The following SLC35F4 variants were observed in gnomAD, a reference collection of about 807,000 sequenced individuals.
SLC35F4 encodes the protein solute carrier family 35 member F4.
SLC35F4 carries 24 observed loss-of-function variants against 44.2 expected under a neutral mutation model. The observed-to-expected ratio is 0.54, with a 90% CI of 0.39 to 0.76. The LOEUF (loss-of-function observed/expected upper bound fraction) is 0.76. Among genes scored for constraint, SLC35F4 ranks in the 30% least tolerant of loss-of-function variants. The pLI is 0.00. For synonymous variants in SLC35F4, 238 were observed against 223.6 expected, an observed-to-expected ratio of 1.06 and a Z score of -0.57; for missense variants, 562 against 586.1, an observed-to-expected ratio of 0.96 and a Z score of 0.42.
At chr14:57,608,751 A>G (rs945211383) in intron 1 of SLC35F4, among the ~76,000 whole-genome samples, 1 of 145,778 alleles carries the variant, frequency 6.9e-6, no homozygotes, top group Non-Finnish European at 1.5e-5. Context: ...AAGGATATGA[A>G]CCTGTTAAAA....
rs147871304 is a variant in SLC35F4, at chr14:57,771,830, G to A, written c.103+93893C>T. Among the ~76,000 whole-genome samples the A allele has an allele frequency of 2.4e-3, 373 of 152,304 alleles. 7 individuals are homozygous for A. The East Asian group carries it at 0.043, about 18-fold the overall frequency. On this transcript the variant is annotated intron_variant, in intron 1 of 7. Transcript: ENST00000556826. Reference sequence around the variant, plus strand: ...GCTGGTTTTGAACGCCTGCGCTCAAGCACTCTTTCTGCTTTGGCCTCCCAA... The same window carrying A: ...GCTGGTTTTGAACGCCTGCGCTCAAACACTCTTTCTGCTTTGGCCTCCCAA...
At chr14:57,881,555 T>G (rs1888535233) in intron 1 of SLC35F4, among the ~76,000 whole-genome samples, 1 of 152,150 alleles carries the variant, frequency 6.6e-6, no homozygotes, top group African/African-American at 2.4e-5. Context: ...ATAATAACAT[T>G]TATCAGAAAG....
intron 1 of SLC35F4, among the ~76,000 whole-genome samples, chr14:57,748,668 TAAAACTAG>T (rs753496425): frequency 1.1e-4 from 17 of 152,296 alleles, no homozygotes; most frequent in Non-Finnish European, 2.4e-4. Flanking sequence ...ATATTTTACT[TAAAACTAG>T]GCCTGAAGAT....
At chr14:57,829,651 G>A (rs953080017) in intron 1 of SLC35F4, among the ~76,000 whole-genome samples, 1 of 152,146 alleles carries the variant, frequency 6.6e-6, no homozygotes, top group Admixed American at 6.6e-5. Flanking sequence ...GCCGAAGAAA[G>A]GCCAAGAAGA....
At chr14:57,632,538 A>C (rs941823582) in intron 1 of SLC35F4, among the ~76,000 whole-genome samples, 27 of 152,094 alleles carry the variant, frequency 1.8e-4, no homozygotes, top group Admixed American at 5.2e-4. Context: ...GAAGGTTCAG[A>C]TATTTCCCAT....
intron 1 of SLC35F4, 41 bp from the exon 2 acceptor site, chr14:57,594,165 A>C (rs776270315): frequency 1.4e-5 from 22 of 1,539,230 alleles, no homozygotes; most frequent in Non-Finnish European, 1.9e-5. Context: ...AACTGCCTGA[A>C]CAAATTGGAA....
chr14:57,708,754 G>T (rs548509112), intron 1 of SLC35F4, among the ~76,000 whole-genome samples: 2 of 152,246 alleles, frequency 1.3e-5, no homozygotes, highest in African/African-American at 4.8e-5. Flanking sequence ...GACCAGTAGT[G>T]GTCCCGAATG....
At chr14:57,719,796 C>G (rs1011325533) in intron 1 of SLC35F4, among the ~76,000 whole-genome samples, 1 of 151,840 alleles carries the variant, frequency 6.6e-6, no homozygotes, top group African/African-American at 2.4e-5. Context: ...ATTTGGATAC[C>G]CTTTATTTTT....
chr14:57,727,137 CATAT>C (rs56125502), intron 1 of SLC35F4, among the ~76,000 whole-genome samples: 9 of 120,232 alleles, frequency 7.5e-5, no homozygotes, highest in Admixed American at 5.8e-4. Context: ...TATATATGTA[CATAT>C]ATATATATAT....
At chr14:57,843,649 G>A (rs779828058) in intron 1 of SLC35F4, among the ~76,000 whole-genome samples, 11 of 152,104 alleles carry the variant, frequency 7.2e-5, no homozygotes, top group East Asian at 1.9e-4. Context: ...GACTGGAGAC[G>A]AAGGGTTTTG....
At chr14:57,675,869 A>G (rs1384492117) in intron 1 of SLC35F4, among the ~76,000 whole-genome samples, 1 of 152,122 alleles carries the variant, frequency 6.6e-6, no homozygotes, top group East Asian at 1.9e-4. Flanking sequence ...TAAAAATTCT[A>G]GAAGATAGCA....
At chr14:57,677,492 C>G (rs2074734713) in intron 1 of SLC35F4, among the ~76,000 whole-genome samples, 1 of 151,938 alleles carries the variant, frequency 6.6e-6, no homozygotes, top group African/African-American at 2.4e-5. Flanking sequence ...ATGATAGACT[C>G]TAGATGGTGT....
intron 1 of SLC35F4, among the ~76,000 whole-genome samples, chr14:57,681,281 CTATT>C (rs148410508): frequency 0.012 from 1,798 of 152,128 alleles, 50 homozygotes; most frequent in African/African-American, 0.041. Flanking sequence ...AAAGGATTCC[CTATT>C]TAATAAATGG....
chr14:57,975,224 C>A (rs186976087), downstream of SLC35F4, among the ~76,000 whole-genome samples: 4 of 152,322 alleles, frequency 2.6e-5, no homozygotes, highest in East Asian at 5.8e-4. Context: ...TACAATCCTA[C>A]GTAGCAGGAA....
chr14:57,661,284 A>G (rs1205225229), intron 1 of SLC35F4, among the ~76,000 whole-genome samples: 2 of 152,154 alleles, frequency 1.3e-5, no homozygotes, highest in Non-Finnish European at 2.9e-5. Context: ...CGGGGACAGC[A>G]TTGAACAGGA....
chr14:57,967,383 T>C (rs1369130369), intron 1 of SLC35F4, among the ~76,000 whole-genome samples: 3 of 152,242 alleles, frequency 2.0e-5, no homozygotes. Context: ...TGTAATATAT[T>C]CTTCTACATC....
intron 1 of SLC35F4, among the ~76,000 whole-genome samples, chr14:57,615,232 T>A (rs181242292): frequency 2.6e-5 from 4 of 152,316 alleles, no homozygotes; most frequent in Admixed American, 2.6e-4. Flanking sequence ...TAAGAAAGGG[T>A]TTCTCAGAAT....
At chr14:57,796,260 G>T (rs1394165752) in intron 1 of SLC35F4, among the ~76,000 whole-genome samples, 3 of 152,096 alleles carry the variant, frequency 2.0e-5, no homozygotes, top group African/African-American at 7.2e-5. Context: ...GAACATATGT[G>T]TGCATATGTC....
intron 1 of SLC35F4, among the ~76,000 whole-genome samples, chr14:57,674,239 A>G (rs1450047167): frequency 6.6e-6 from 1 of 152,134 alleles, no homozygotes; most frequent in Non-Finnish European, 1.5e-5. Flanking sequence ...TTATAGAGCA[A>G]TTAGACATCT....
Sources: allele counts gnomAD v4.1 joint callset (sites outside exome capture counted in the v4.1 genomes callset), GRCh38; gene constraint gnomAD v4.1.1; transcripts MANE v1.5; gene names NCBI Gene and HGNC (gene_info 2026-07-23, HGNC 2026-07-21).